Variants in ASTN2 observed in about 807,000 individuals in gnomAD.
ASTN2 encodes the protein astrotactin-2.
In ASTN2, 54 loss-of-function variants were observed where a neutral mutation model predicts 139.8. The ratio of observed to expected loss-of-function variants is 0.39; its 90% CI spans 0.31 to 0.48. The LOEUF is 0.48. Among genes scored for constraint, ASTN2 ranks in the 20% least tolerant of loss-of-function variants. ASTN2 has a pLI of 0.95. For missense variants in ASTN2, 1,565 were observed against 1,725.1 expected (o/e 0.91, Z 1.64); for synonymous variants, 756 against 719.5 (o/e 1.05, Z -0.81).
chr9:116,712,414 G>A (rs951264811), intron 16 of ASTN2, among the ~76,000 whole-genome samples: 1 of 152,140 alleles, frequency 6.6e-6, no homozygotes, highest in Admixed American at 6.5e-5. Context: ...CTGAAGGCAA[G>A]GCAATATTTA....
At chr9:117,043,077 G>A (rs758324533) in intron 5 of ASTN2, among the ~76,000 whole-genome samples, 7 of 152,030 alleles carry the variant, frequency 4.6e-5, no homozygotes, top group Non-Finnish European at 8.8e-5. Flanking sequence ...CACCATGTTG[G>A]CCAGGCTGGT....
intron 1 of ASTN2, among the ~76,000 whole-genome samples, chr9:117,397,390 T>G (rs1422315048): frequency 6.6e-6 from 1 of 152,226 alleles, no homozygotes; most frequent in Non-Finnish European, 1.5e-5. Context: ...GTCACTTAAA[T>G]ATTGCTGTTG....
At chr9:117,385,067 T>C (rs1035256297) in intron 1 of ASTN2, among the ~76,000 whole-genome samples, 1 of 152,146 alleles carries the variant, frequency 6.6e-6, no homozygotes, top group African/African-American at 2.4e-5. Flanking sequence ...AGTATCGAAG[T>C]TTTTGATGCT....
chr9:116,786,469 A>G (rs1830381069), intron 13 of ASTN2, among the ~76,000 whole-genome samples: 1 of 152,034 alleles, frequency 6.6e-6, no homozygotes, highest in South Asian at 2.1e-4. Flanking sequence ...TAGAGTGAAG[A>G]TACAATAGTG....
chr9:116,524,124 A>G (rs1850992458), intron 19 of ASTN2, among the ~76,000 whole-genome samples: 1 of 152,118 alleles, frequency 6.6e-6, no homozygotes, highest in Non-Finnish European at 1.5e-5. Context: ...TATTTCTAAC[A>G]TGGATGGGAT....
intron 10 of ASTN2, among the ~76,000 whole-genome samples, chr9:116,961,811 T>C (rs957209241): frequency 1.3e-5 from 2 of 152,188 alleles, no homozygotes; most frequent in African/African-American, 2.4e-5. Context: ...TTTAAAAATA[T>C]CCTAATGAAG....
chr9:116,896,074 C>T (rs1391462855), intron 10 of ASTN2, among the ~76,000 whole-genome samples: 2 of 152,138 alleles, frequency 1.3e-5, no homozygotes, highest in East Asian at 3.9e-4. Context: ...CAGAAAATCA[C>T]ATATTATTCA....
At chr9:116,763,538 A>G (rs976807449) in intron 13 of ASTN2, among the ~76,000 whole-genome samples, 1 of 152,080 alleles carries the variant, frequency 6.6e-6, no homozygotes, top group African/African-American at 2.4e-5. Context: ...ATACCTATGG[A>G]GGGTATTCTA....
chr9:117,235,261 G>A (rs1833012325), intron 2 of ASTN2, among the ~76,000 whole-genome samples: 1 of 151,538 alleles, frequency 6.6e-6, no homozygotes, highest in South Asian at 2.1e-4. Context: ...AAGGCGGGGG[G>A]AGGATAAAAT....
intron 1 of ASTN2, among the ~76,000 whole-genome samples, chr9:117,359,809 G>A (rs1406913206): frequency 6.6e-6 from 1 of 152,184 alleles, no homozygotes; most frequent in African/African-American, 2.4e-5. Flanking sequence ...GCTGTGGTGT[G>A]AGCCTGCATC....
At chr9:116,504,908 A>C (rs1262969407) in intron 19 of ASTN2, among the ~76,000 whole-genome samples, 1 of 150,814 alleles carries the variant, frequency 6.6e-6, no homozygotes, top group Non-Finnish European at 1.5e-5. Context: ...AAAAAAAAAA[A>C]AAAAAACCCA....
chr9:116,442,899 G>T (rs73520364), intron 20 of ASTN2, among the ~76,000 whole-genome samples: 1 of 152,028 alleles, frequency 6.6e-6, no homozygotes, highest in Admixed American at 6.6e-5. Flanking sequence ...ATCCTTTATG[G>T]CTGGATATAT....
chr9:116,613,991 C>A lies in ASTN2; in HGVS notation c.3355+4333G>T, dbSNP rs1475262660. Among the ~76,000 whole-genome samples, 3 of 152,300 alleles carry A rather than the reference C, an allele frequency of 2.0e-5. No individual in the cohort carries two copies. The East Asian group carries it at 5.8e-4, about 29-fold the overall frequency. On this transcript the variant is annotated intron_variant, in intron 19 of 22. Coordinates refer to ENST00000313400, the MANE Select transcript of ASTN2 (RefSeq NM_001365068.1). ...TTTAGAAAACCCCATCGTCTCAGCA[C>A]AAAATCTTCTCAAGCTGATAAGCAA...
chr9:116,906,712 G>C (rs1397682246), intron 10 of ASTN2, among the ~76,000 whole-genome samples: 1 of 152,032 alleles, frequency 6.6e-6, no homozygotes, highest in African/African-American at 2.4e-5. Flanking sequence ...TCAGAGTCTG[G>C]TATTTGGTGA....
rs1834454686 is a variant in ASTN2 at position 116,916,582 on chromosome 9, C to T, written c.1890-52849G>A. On this transcript the variant is annotated intron_variant, in intron 10 of 22. Transcript: ENST00000313400. The stretch of plus-strand genomic sequence containing the variant: ...AAGATGTGGGCCAGGTGTGGTGGCT[C>T]ATGCCTGTAATCCCACCACTTTGGG... 6.6e-5 allele frequency among the ~76,000 whole-genome samples: 10 copies of T among 152,246 alleles called. No homozygotes were observed. In the South Asian group the frequency reaches 2.1e-3, roughly 32 times the overall value.
intron 2 of ASTN2, among the ~76,000 whole-genome samples, chr9:117,220,218 TG>T (rs1832468515): frequency 1.3e-5 from 2 of 152,136 alleles, no homozygotes; most frequent in Non-Finnish European, 2.9e-5. Flanking sequence ...CCTGGCTTCC[TG>T]GGGTCCTTAA....
intron 6 of ASTN2, among the ~76,000 whole-genome samples, chr9:117,023,664 A>C (rs1837962004): frequency 6.6e-6 from 1 of 152,154 alleles, no homozygotes; most frequent in African/African-American, 2.4e-5. Context: ...CATGACACAT[A>C]AGAAACAGGA....
intron 19 of ASTN2, among the ~76,000 whole-genome samples, chr9:116,522,385 A>G (rs959724130): frequency 1.3e-5 from 2 of 152,140 alleles, no homozygotes; most frequent in Non-Finnish European, 2.9e-5. Flanking sequence ...GGAATTGGAG[A>G]CTATTATTCT....
chr9:117,200,690 C>A (rs1180137148), intron 3 of ASTN2, among the ~76,000 whole-genome samples: 1 of 152,124 alleles, frequency 6.6e-6, no homozygotes, highest in Non-Finnish European at 1.5e-5. Context: ...GTTGAACCAT[C>A]CTTGCATCTC....
Sources: allele counts gnomAD v4.1 joint callset (sites outside exome capture counted in the v4.1 genomes callset), GRCh38; gene constraint gnomAD v4.1.1; transcripts MANE v1.5; gene names NCBI Gene and HGNC (gene_info 2026-07-23, HGNC 2026-07-21).